PDLIM5: variants seen among roughly 807,000 people sequenced by gnomAD.
The protein encoded by PDLIM5 is PDZ and LIM domain protein 5.
PDLIM5 carries 34 observed loss-of-function variants against 64.2 expected under a neutral mutation model. The observed-to-expected ratio is 0.53, with a 90% CI of 0.40 to 0.71. The LOEUF is 0.71. PDLIM5 is among the 30% of genes least tolerant of loss of function. The probability of loss-of-function intolerance (pLI) is 0.00; values close to 1 mark genes in which losing one functional copy is unlikely to be tolerated. For missense variants in PDLIM5, 683 were observed against 733.6 expected, an observed-to-expected ratio of 0.93 and a Z score of 0.80; for synonymous variants, 253 against 269.1, an observed-to-expected ratio of 0.94 and a Z score of 0.59.
chr4:94,453,206 T>A (rs973515430), intron 1 of PDLIM5, among the ~76,000 whole-genome samples: 1 of 152,208 alleles, frequency 6.6e-6, no homozygotes, highest in Non-Finnish European at 1.5e-5. Flanking sequence ...TATGCTGCTA[T>A]TTCCTGCCTG....
At chr4:94,456,512 C>G (rs1395498252) in intron 2 of PDLIM5, 2 of 707,006 alleles carry the variant, frequency 2.8e-6, no homozygotes, top group African/African-American at 1.7e-5. Context: ...CTGTTTTATA[C>G]TTTGCTTTTT....
intron 3 of PDLIM5, among the ~76,000 whole-genome samples, chr4:94,539,056 A>G (rs1731553376): frequency 6.6e-6 from 1 of 152,204 alleles, no homozygotes; most frequent in Admixed American, 6.5e-5. Flanking sequence ...GAGGGATTCC[A>G]TGATTAAAAG....
intron 8 of PDLIM5, among the ~76,000 whole-genome samples, chr4:94,621,018 C>G (rs928618956): frequency 7.6e-6 from 1 of 131,466 alleles, no homozygotes; most frequent in African/African-American, 3.1e-5. Context: ...TTGCAGTGAG[C>G]CAAGATGGTG....
At chr4:94,574,231 G>C (rs374293165) in intron 4 of PDLIM5, among the ~76,000 whole-genome samples, 31 of 152,178 alleles carry the variant, frequency 2.0e-4, no homozygotes, top group African/African-American at 7.0e-4. Flanking sequence ...CGCGCGGTGG[G>C]TCACGCCTGT....
At chr4:94,589,288 A>T (rs1445644880) in intron 7 of PDLIM5, among the ~76,000 whole-genome samples, 11 of 152,242 alleles carry the variant, frequency 7.2e-5, no homozygotes, top group African/African-American at 2.7e-4. Context: ...TTTCCCTAAT[A>T]CAGACAAGAG....
chr4:94,581,600 A>C (rs921803563), intron 5 of PDLIM5, among the ~76,000 whole-genome samples: 1 of 152,118 alleles, frequency 6.6e-6, no homozygotes. Context: ...AGTTTATGAA[A>C]CTGATTTTGA....
At chr4:94,652,833 G>T (rs1354481686) in intron 9 of PDLIM5, among the ~76,000 whole-genome samples, 1 of 152,024 alleles carries the variant, frequency 6.6e-6, no homozygotes, top group East Asian at 1.9e-4. Context: ...TTAACAAAAA[G>T]TAGGGCTAGA....
At chr4:94,652,298 C>T (rs1038763625) in intron 9 of PDLIM5, among the ~76,000 whole-genome samples, 7 of 152,180 alleles carry the variant, frequency 4.6e-5, no homozygotes, top group African/African-American at 1.7e-4. Flanking sequence ...AAAACTCACC[C>T]TAGTAAATGG....
At chr4:94,593,289 G>A (rs959553765) in intron 7 of PDLIM5, among the ~76,000 whole-genome samples, 1 of 152,068 alleles carries the variant, frequency 6.6e-6, no homozygotes, top group Non-Finnish European at 1.5e-5. Flanking sequence ...TTCATCTCTG[G>A]TGAACTGTTT....
At chr4:94,628,272 G>T (rs921291002) in intron 8 of PDLIM5, among the ~76,000 whole-genome samples, 1 of 152,140 alleles carries the variant, frequency 6.6e-6, no homozygotes, top group African/African-American at 2.4e-5. Context: ...TAGATGTGCT[G>T]CTTCTTCCAC....
chr4:94,625,503 A>G (rs553432033), intron 8 of PDLIM5, among the ~76,000 whole-genome samples: 4 of 149,376 alleles, frequency 2.7e-5, no homozygotes, highest in Admixed American at 2.0e-4. Flanking sequence ...CCCAGGCTGG[A>G]GTGCAGTGGC....
chr4:94,557,875 T>G (rs1479265590), intron 3 of PDLIM5, among the ~76,000 whole-genome samples: 1 of 152,152 alleles, frequency 6.6e-6, no homozygotes, highest in Non-Finnish European at 1.5e-5. Flanking sequence ...GACTTCCTCT[T>G]TTCCTAATTG....
At chr4:94,591,057 A>G (rs1736638060) in intron 7 of PDLIM5, among the ~76,000 whole-genome samples, 2 of 152,194 alleles carry the variant, frequency 1.3e-5, no homozygotes, top group Admixed American at 6.5e-5. Context: ...CAAACAGAAT[A>G]TCCTGCAGAG....
At chr4:94,663,250 TG>T (rs1742882833) in intron 12 of PDLIM5, among the ~76,000 whole-genome samples, 2 of 152,226 alleles carry the variant, frequency 1.3e-5, no homozygotes, top group South Asian at 4.1e-4. Flanking sequence ...CGGTGCTTAA[TG>T]ATTTCCCCAA....
chr4:94,652,252 C>T (rs1408616553), intron 9 of PDLIM5, among the ~76,000 whole-genome samples: 1 of 152,176 alleles, frequency 6.6e-6, no homozygotes, highest in Non-Finnish European at 1.5e-5. Flanking sequence ...AAGAGTCCTC[C>T]AGCCTTATGG....
At chr4:94,611,769 T>C (rs977612923) in intron 7 of PDLIM5, among the ~76,000 whole-genome samples, 3 of 152,164 alleles carry the variant, frequency 2.0e-5, no homozygotes, top group Non-Finnish European at 4.4e-5. Flanking sequence ...AAAGATATAA[T>C]CTCAATGAAA....
intron 11 of PDLIM5, among the ~76,000 whole-genome samples, chr4:94,659,576 G>C (rs958282651): frequency 3.3e-5 from 5 of 150,744 alleles, no homozygotes; most frequent in African/African-American, 1.2e-4. Context: ...CGCCCAGGCT[G>C]GAGTGCAGTG....
chr4:94,502,456 G>C (rs1465227448), intron 2 of PDLIM5, among the ~76,000 whole-genome samples: 1 of 152,184 alleles, frequency 6.6e-6, no homozygotes, highest in African/African-American at 2.4e-5. Context: ...CACTGCCTGG[G>C]TTCCAGCCCC....
intron 2 of PDLIM5, among the ~76,000 whole-genome samples, chr4:94,465,669 G>A (rs2510765): frequency 0.33 from 49,904 of 152,002 alleles, 9,404 homozygotes; most frequent in Non-Finnish European, 0.44. Context: ...AAAGTGCTGG[G>A]ATTACAGGCA....
Sources: gnomAD v4.1 joint callset for allele counts (sites outside exome capture counted in the v4.1 genomes callset) on GRCh38, gnomAD v4.1.1 for gene constraint, MANE v1.5 for transcripts, NCBI Gene and HGNC (gene_info 2026-07-23, HGNC 2026-07-21) for gene names.